NKAIN3: variants seen among roughly 807,000 people sequenced by gnomAD.
NKAIN3 encodes sodium/potassium transporting ATPase interacting 3.
NKAIN3 carries 25 observed loss-of-function variants against 30.2 expected under a neutral mutation model. The observed-to-expected ratio is 0.83, with a 90% CI of 0.60 to 1.16. The LOEUF (loss-of-function observed/expected upper bound fraction) is 1.16. NKAIN3 is among the 50% of genes most tolerant of loss of function. The pLI is 0.00. For synonymous variants in NKAIN3, 91 were observed against 89.6 expected, an observed-to-expected ratio of 1.02 and a Z score of -0.09; for missense variants, 225 against 254.1, an observed-to-expected ratio of 0.89 and a Z score of 0.78.
chr8:62,376,765 G>A (rs1025732649), intron 1 of NKAIN3, among the ~76,000 whole-genome samples: 3 of 152,056 alleles, frequency 2.0e-5, no homozygotes, highest in African/African-American at 7.2e-5. Flanking sequence ...TATTATTTAG[G>A]TAAAAGGGAG....
At chr8:62,481,359 G>A (rs931303530) in intron 1 of NKAIN3, among the ~76,000 whole-genome samples, 2 of 152,064 alleles carry the variant, frequency 1.3e-5, no homozygotes, top group Admixed American at 6.5e-5. Flanking sequence ...GCACTTCTCA[G>A]GTGGCACTTC....
intron 1 of NKAIN3, among the ~76,000 whole-genome samples, chr8:62,338,003 A>T (rs1042130128): frequency 1.1e-4 from 16 of 151,964 alleles, no homozygotes; most frequent in Non-Finnish European, 2.2e-4. Flanking sequence ...CTTTTCACAA[A>T]TTTCTTTCTC....
At chr8:62,759,317 G>A (rs934939905) in intron 4 of NKAIN3, among the ~76,000 whole-genome samples, 1 of 152,050 alleles carries the variant, frequency 6.6e-6, no homozygotes, top group Non-Finnish European at 1.5e-5. Flanking sequence ...ATTTAGTAAT[G>A]GTAGAAATCA....
intron 1 of NKAIN3, among the ~76,000 whole-genome samples, chr8:62,541,946 G>A (rs1313489540): frequency 6.6e-6 from 1 of 152,132 alleles, no homozygotes; most frequent in African/African-American, 2.4e-5. Context: ...TGACATTTAA[G>A]AGTGAGTTAA....
intron 3 of NKAIN3, among the ~76,000 whole-genome samples, chr8:62,693,042 T>G (rs532167289): frequency 6.6e-6 from 1 of 152,290 alleles, no homozygotes; most frequent in East Asian, 1.9e-4. Flanking sequence ...CACCTGAACA[T>G]CCTCTCTTTC....
At chr8:62,781,751 C>T (rs1422370815) in intron 4 of NKAIN3, among the ~76,000 whole-genome samples, 2 of 151,746 alleles carry the variant, frequency 1.3e-5, no homozygotes, top group Non-Finnish European at 2.9e-5. Flanking sequence ...CTATCTCTCA[C>T]CATATACAAA....
intron 5 of NKAIN3, among the ~76,000 whole-genome samples, chr8:62,919,227 A>ATTTTTTTTTTTTTTTTTTTTTTTTTT (rs71255371): frequency 4.2e-5 from 2 of 47,186 alleles, no homozygotes; most frequent in Non-Finnish European, 7.2e-5. Flanking sequence ...TACTTTCAAA[A>ATTTTTTTTTTTTTTTTTTTTTTTTTT]TTTTTTTTTT....
chr8:62,853,995 G>A (rs1437256027), intron 4 of NKAIN3, among the ~76,000 whole-genome samples: 3 of 152,170 alleles, frequency 2.0e-5, no homozygotes, highest in Non-Finnish European at 4.4e-5. Context: ...CAGTTTCAGT[G>A]TAGTCATATG....
chr8:62,475,595 C>A (rs1806492567), intron 1 of NKAIN3, among the ~76,000 whole-genome samples: 1 of 152,176 alleles, frequency 6.6e-6, no homozygotes, highest in Non-Finnish European at 1.5e-5. Context: ...CTAAAGAAAG[C>A]TTGTACCAAT....
chr8:62,330,215 A>G (rs2129589925), intron 1 of NKAIN3, among the ~76,000 whole-genome samples: 1 of 152,106 alleles, frequency 6.6e-6, no homozygotes, highest in Non-Finnish European at 1.5e-5. Flanking sequence ...GGGGTGATGA[A>G]TAATGAGGAT....
intron 4 of NKAIN3, among the ~76,000 whole-genome samples, chr8:62,897,129 G>A (rs536668186): frequency 2.6e-5 from 4 of 152,252 alleles, no homozygotes; most frequent in Admixed American, 6.5e-5. Flanking sequence ...TAAAGATAAT[G>A]AAGGAACACT....
chr8:62,607,171 A>G (rs533534551), intron 3 of NKAIN3, among the ~76,000 whole-genome samples: 1 of 152,326 alleles, frequency 6.6e-6, no homozygotes, highest in African/African-American at 2.4e-5. Context: ...AACAATTTAC[A>G]GAAAAGATTA....
chr8:62,830,603 A>G (rs1238029343), intron 4 of NKAIN3, among the ~76,000 whole-genome samples: 1 of 152,232 alleles, frequency 6.6e-6, no homozygotes, highest in Non-Finnish European at 1.5e-5. Context: ...CCTGTCAGAA[A>G]TTAAGCATAA....
In NKAIN3 at chr8:62,381,281, T is replaced by C. The variant is rs756976367; in HGVS notation, c.54+132154T>C. Among the ~76,000 whole-genome samples, 9 of 152,272 alleles carry C rather than the reference T, an allele frequency of 5.9e-5. No individual in the cohort carries two copies. In the South Asian group the frequency reaches 1.9e-3, roughly 32 times the overall value. On this transcript the variant is annotated intron_variant, in intron 1 of 6. Transcript: ENST00000623646. Reference sequence around the variant, plus strand: ...TTTGTATGAAGACGTTTTAAAAGACTGAGAATCAGTTTTCTTCACCATTCA... The same window carrying C: ...TTTGTATGAAGACGTTTTAAAAGACCGAGAATCAGTTTTCTTCACCATTCA...
intron 1 of NKAIN3, among the ~76,000 whole-genome samples, chr8:62,269,879 A>G (rs1361158710): frequency 6.6e-6 from 1 of 152,210 alleles, no homozygotes; most frequent in East Asian, 1.9e-4. Flanking sequence ...AGGAAGCCAT[A>G]AAAACAAAAC....
rs568316494 is a variant in NKAIN3, at chr8:62,979,448, A to T, written c.*14041A>T. 2 of 152,300 alleles carry T rather than the reference A, an allele frequency of 1.3e-5. No individual in the cohort carries two copies. The highest frequency in any genetic ancestry group is 4.1e-4 in the South Asian group (2 of 4,826). The allele number at this position is 152,300 out of a possible 1,614,324, so 9.4% of individuals were successfully genotyped here. On this transcript the variant is annotated 3_prime_UTR_variant, in exon 7 of 7. Transcript: ENST00000623646. The stretch of plus-strand genomic sequence containing the variant: ...CACACACATCCACAATCAAACTTCA[A>T]CAGTCGAGTGTACCCTTTTCTAAAT...
chr8:62,953,451 G>T (rs1823338994), intron 5 of NKAIN3, among the ~76,000 whole-genome samples: 1 of 152,166 alleles, frequency 6.6e-6, no homozygotes, highest in Non-Finnish European at 1.5e-5. Flanking sequence ...TTGGGGAGTG[G>T]CTTGGGGACA....
intron 1 of NKAIN3, among the ~76,000 whole-genome samples, chr8:62,522,560 C>T (rs1219571551): frequency 6.6e-6 from 1 of 151,934 alleles, no homozygotes; most frequent in Non-Finnish European, 1.5e-5. Flanking sequence ...CAGCTCCATG[C>T]GTGTCATTGA....
intron 5 of NKAIN3, among the ~76,000 whole-genome samples, chr8:62,928,654 A>C (rs1411338452): frequency 6.6e-6 from 1 of 152,162 alleles, no homozygotes; most frequent in Non-Finnish European, 1.5e-5. Context: ...CCTGGCCCCC[A>C]AATTACTTCC....
Sources: gnomAD v4.1 joint callset for allele counts (sites outside exome capture counted in the v4.1 genomes callset) on GRCh38, gnomAD v4.1.1 for gene constraint, MANE v1.5 for transcripts, NCBI Gene and HGNC (gene_info 2026-07-23, HGNC 2026-07-21) for gene names.